The following PDLIM2 variants were observed in gnomAD, a reference collection of about 807,000 sequenced individuals.
The protein encoded by PDLIM2 is PDZ and LIM domain protein 2.
In PDLIM2, 51 loss-of-function variants were observed where a neutral mutation model predicts 54.1. That is an observed-to-expected ratio of 0.94 (90% CI 0.75 to 1.19). The LOEUF (loss-of-function observed/expected upper bound fraction) is 1.19, where lower values mean the gene tolerates loss of function less well. PDLIM2 is among the 50% of genes most tolerant of loss of function. PDLIM2 has a pLI of 0.00. For synonymous variants in PDLIM2, 398 were observed against 385.6 expected (o/e 1.03, Z -0.38); for missense variants, 912 against 874.0 (o/e 1.04, Z -0.55).
At chr8:22,584,697 A>G in intron 3 of PDLIM2, 124 bp from the exon 3 acceptor site, 1 of 820,230 alleles carries the variant, frequency 1.2e-6, no homozygotes, top group East Asian at 2.5e-5. Flanking sequence ...TGACAACCGG[A>G]TGTCCAAATT....
Position 22,582,578 on chromosome 8 carries a change from A to ATT in PDLIM2, c.995+1069_995+1070dup, listed in dbSNP as rs778664391. ...GGCAAGCCCAGACTCCAGTCTCTTA[A>ATT]TTTTTTTTTTTTTTTTTTTTTTGAG... On this transcript the variant is annotated intron_variant, in intron 3 of 9. Transcript: ENST00000308354. Among the ~76,000 whole-genome samples, 140 of 126,030 alleles carry ATT rather than the reference A, an allele frequency of 1.1e-3. 1 individual carries two copies. The highest frequency in any genetic ancestry group is 2.5e-3 in the African/African-American group (81 of 32,702). The allele number at this position is 126,030 out of a possible 152,430, so 82.7% of individuals were successfully genotyped here. A position where few individuals can be genotyped will look rare whatever the true frequency, so the allele number is the denominator to read the frequency against.
chr8:22,587,522 C>T (rs1489442038), intron 6 of PDLIM2, among the ~76,000 whole-genome samples: 1 of 152,164 alleles, frequency 6.6e-6, no homozygotes, highest in Non-Finnish European at 1.5e-5. Flanking sequence ...CCTGCCCCAC[C>T]CCCAGGAACA....
At chr8:22,579,204 G>T in exon 1 of PDLIM2, 1 of 1,386,620 alleles carries the variant, frequency 7.2e-7, no homozygotes, top group Non-Finnish European at 9.3e-7. Context: ...GCGCCCAGCC[G>T]GACAGGTGAG....
chr8:22,584,726 T>A, intron 3 of PDLIM2, 95 bp from the exon 3 acceptor site: 1 of 1,155,262 alleles, frequency 8.7e-7, no homozygotes, highest in Non-Finnish European at 1.3e-6. Context: ...CTTTTACTGG[T>A]GTTGAGAACT....
chr8:22,594,538 T>C (rs745521549), downstream of PDLIM2: 2 of 1,613,902 alleles, frequency 1.2e-6, no homozygotes, highest in African/African-American at 1.3e-5. Flanking sequence ...AGGAGGACGC[T>C]TGTGCTATGG....
chr8:22,589,741 G>GGT lies in PDLIM2; in HGVS notation c.1513+2_1513+3dup. 1.3e-6 allele frequency: 2 copies of GGT among 1,564,348 alleles called. No homozygotes were observed. Among genetic ancestry groups the GGT allele is most frequent in the Non-Finnish European group, 8.7e-7 (1 of 1,154,034 alleles). On this transcript the variant is annotated frameshift_variant and splice_region_variant. Coordinates refer to ENST00000308354, the Ensembl canonical transcript of PDLIM2. LOFTEE classifies it high-confidence loss of function. ...GGAAGCCCTGGAGGCTGAGGAGAGA[G>GGT]GTGAGGGTCTGGGGGGCTGGGGAGG...
chr8:22,585,387 T>C (rs1178630012), exon 6 of PDLIM2: 1 of 1,610,270 alleles, frequency 6.2e-7, no homozygotes, highest in South Asian at 1.1e-5. Flanking sequence ...CAGGCCGCCC[T>C]GGAAGCCGAC....
Position 22,591,782 on chromosome 8 carries a change from C to G in PDLIM2, c.1631+114C>G, listed in dbSNP as rs544267733. ...CCCATCAGGGGCTAGCACTGGGTACCCAGTCGGGGACTCTAGGGGAAGCAG... is the reference window on the plus strand; with the variant it reads ...CCCATCAGGGGCTAGCACTGGGTACGCAGTCGGGGACTCTAGGGGAAGCAG... On this transcript the variant is annotated intron_variant, in intron 9 of 9. Coordinates refer to ENST00000308354, the Ensembl canonical transcript of PDLIM2. The G allele has an allele frequency of 3.1e-6, 3 of 956,720 alleles. No individual in the cohort carries two copies. The South Asian group carries it at 5.1e-5, about 16-fold the overall frequency. The allele number at this position is 956,720 out of a possible 1,614,324, so 59.3% of individuals were successfully genotyped here.
chr8:22,594,682 C>G, downstream of PDLIM2: 2 of 1,592,998 alleles, frequency 1.3e-6, no homozygotes, highest in Non-Finnish European at 1.7e-6. Flanking sequence ...CGGCCGCCCA[C>G]CAAGGGTTGG....
intron 6 of PDLIM2, 58 bp from the exon 6 acceptor site, chr8:22,589,240 G>A: frequency 1.3e-6 from 2 of 1,515,800 alleles, no homozygotes; most frequent in Non-Finnish European, 1.8e-6. Flanking sequence ...AGGCCCTCCT[G>A]GGTGTGTTGG....
exon 1 of PDLIM2, chr8:22,579,400 C>T: frequency 6.6e-7 from 1 of 1,511,310 alleles, no homozygotes; most frequent in African/African-American, 1.4e-5. Context: ...CGCTCCTCCT[C>T]CAGCCCCCAG....
Position 22,579,029 on chromosome 8 carries a change from C to G in PDLIM2, c.250C>G (p.Arg84Gly), listed in dbSNP as rs1344331441. Residue 84 changes from arginine (R) to glycine (G), a missense_variant, in exon 1 of 10, where the codon CGC becomes GGC. Arg to Gly is a moderately radical substitution (Grantham distance 125). Transcript: ENST00000308354. ...GCCAGGTGGCAGCGCCTGGGCTCGC[C>G]GCGCGGAGGCGGCGGCTTCTCGGGC... 8.9e-6 allele frequency: 11 copies of G among 1,241,118 alleles called. No individual in the cohort carries two copies. The highest frequency in any genetic ancestry group is 1.0e-5 in the Non-Finnish European group (10 of 994,544). 76.9% of individuals were successfully genotyped at this position (1,241,118 alleles called of 1,614,324 possible). A position where few individuals can be genotyped will look rare whatever the true frequency, so the allele number is the denominator to read the frequency against.
chr8:22,594,786 A>C, downstream of PDLIM2: 1 of 1,339,330 alleles, frequency 7.5e-7, no homozygotes, highest in South Asian at 1.5e-5. Flanking sequence ...GGGGGGAAAA[A>C]GGGCAGGGTG....
downstream of PDLIM2, chr8:22,594,946 T>G: frequency 7.2e-6 from 2 of 276,834 alleles, no homozygotes; most frequent in Non-Finnish European, 1.4e-5. Flanking sequence ...CAAAAACAAA[T>G]GAATGCATGT....
At chr8:22,581,466 C>T (rs753788104) in exon 3 of PDLIM2, 4 of 1,606,460 alleles carry the variant, frequency 2.5e-6, no homozygotes, top group Non-Finnish European at 3.4e-6. Flanking sequence ...GGAGGGCATG[C>T]TGCATGCCGA....
chr8:22,593,394 C>T lies in PDLIM2; in HGVS notation c.1632-339C>T, dbSNP rs550020582. The T allele has an allele frequency of 2.3e-4, 53 of 233,394 alleles. No homozygotes were observed. In the South Asian group the frequency reaches 3.5e-3, roughly 15 times the overall value. 14.5% of individuals were successfully genotyped at this position (233,394 alleles called of 1,614,324 possible). ...GAGGGCAAGACCGTCCTGGCTAACA[C>T]GGTAAAACCCGTCTCTACTAAAAAT... On this transcript the variant is annotated intron_variant, in intron 9 of 9. Coordinates refer to ENST00000308354, the Ensembl canonical transcript of PDLIM2.
chr8:22,579,040 G>A (rs1480021295), exon 1 of PDLIM2: 15 of 1,240,740 alleles, frequency 1.2e-5, no homozygotes, highest in Non-Finnish European at 1.5e-5. Context: ...GCGCGGAGGC[G>A]GCGGCTTCTC....
intron 6 of PDLIM2, 147 bp from the exon 6 acceptor site, chr8:22,589,151 C>T (rs1010617765): frequency 4.0e-6 from 3 of 746,176 alleles, no homozygotes; most frequent in Non-Finnish European, 4.4e-6. Context: ...GACACCTTGG[C>T]TCCAAGGGAA....
rs766502712 is a variant in PDLIM2 at position 22,580,627 on chromosome 8, C to T, written c.773C>T (p.Ala258Val). 12 of 1,614,036 alleles carry T rather than the reference C, an allele frequency of 7.4e-6. No individual in the cohort carries two copies. The Admixed American group carries it at 1.7e-4, about 22-fold the overall frequency. ...GGTATGGCGTTGACGGTGGATGTGG[C>T]CGGGCCAGCGCCCTGGGGCTTCCGT... The change falls in exon 2 of 10, where the codon GCC becomes GTC. Residue 258 changes from alanine (A) to valine (V), a missense_variant. Transcript: ENST00000308354.
Sources: allele counts gnomAD v4.1 joint callset (sites outside exome capture counted in the v4.1 genomes callset), GRCh38; gene constraint gnomAD v4.1.1; transcripts MANE v1.5; gene names NCBI Gene and HGNC (gene_info 2026-07-23, HGNC 2026-07-21).